Variants in PHF14 observed in about 807,000 individuals in gnomAD.
PHF14 encodes the protein PHD finger protein 14.
PHF14 carries 55 observed loss-of-function variants against 117.9 expected under a neutral mutation model. The ratio of observed to expected loss-of-function variants is 0.47; its 90% CI spans 0.38 to 0.58. The LOEUF is 0.58. Among genes scored for constraint, PHF14 ranks in the 20% least tolerant of loss-of-function variants. The pLI is 0.00. For missense variants in PHF14, 978 were observed against 1,122.2 expected (o/e 0.87, Z 1.84); for synonymous variants, 409 against 368.6 (o/e 1.11, Z -1.26).
At position 10,982,898 on chromosome 7, in the gene PHF14, T is replaced by C. The variant is rs1352561595; in HGVS notation, c.639T>C (p.Asp213=). Residue 213 remains aspartate (D), a synonymous_variant, in exon 3 of 18, where the codon GAT becomes GAC. Coordinates refer to ENST00000634607, the MANE Select transcript of PHF14 (RefSeq NM_001007157.2). The stretch of plus-strand genomic sequence containing the variant: ...ACTATGACAGTGAGGATGACAATGA[T>C]TGGCGACCTACTGTAGTAAAGAGAA... ...MDDYDSEDDN[D]WRPTVVKRKG... is the part of the protein sequence containing the mutation. The C allele has an allele frequency of 2.9e-5, 47 of 1,613,324 alleles. No homozygotes were observed. Among genetic ancestry groups the C allele is most frequent in the Admixed American group, 2.0e-4 (12 of 59,894 alleles).
chr7:11,036,585 A>G lies in PHF14; in HGVS notation c.1770A>G (p.Thr590=), dbSNP rs781184553. The part of the protein sequence containing the change: ...MRKAELMGIS[T]DIFPVDNSDT... ...AAGCAGAACTCATGGGGATCAGTAC[A>G]GATATCTTTCCAGTGGACAATTCAG... The change falls in exon 9 of 18, where the codon ACA becomes ACG. Residue 590 remains threonine, a synonymous_variant. Transcript: ENST00000634607. 1.2e-6 allele frequency: 2 copies of G among 1,613,926 alleles called. No individual in the cohort carries two copies. The highest frequency in any genetic ancestry group is 1.1e-5 in the South Asian group (1 of 91,078).
intron 5 of PHF14, among the ~76,000 whole-genome samples, chr7:11,016,411 T>A (rs1244036862): frequency 6.6e-6 from 1 of 152,070 alleles, no homozygotes; most frequent in African/African-American, 2.4e-5. Context: ...TGAGATTAAT[T>A]AGACTTTTTT....
At chr7:11,143,005 A>G (rs1448306867) in intron 17 of PHF14, among the ~76,000 whole-genome samples, 1 of 152,154 alleles carries the variant, frequency 6.6e-6, no homozygotes, top group East Asian at 1.9e-4. Context: ...ATAGAATAGG[A>G]AAAAGTTATC....
intron 17 of PHF14, among the ~76,000 whole-genome samples, chr7:11,124,254 T>C (rs1382750430): frequency 6.6e-6 from 1 of 152,142 alleles, no homozygotes; most frequent in Non-Finnish European, 1.5e-5. Flanking sequence ...TGGTGGTATG[T>C]CCTACTACAA....
chr7:11,031,472 G>A (rs1784119256), intron 7 of PHF14, among the ~76,000 whole-genome samples: 1 of 152,022 alleles, frequency 6.6e-6, no homozygotes, highest in African/African-American at 2.4e-5. Context: ...GGACTATAGG[G>A]CTGGGTGCAG....
chr7:11,039,220 C>T (rs1212685702), intron 11 of PHF14, among the ~76,000 whole-genome samples: 1 of 151,342 alleles, frequency 6.6e-6, no homozygotes, highest in Non-Finnish European at 1.5e-5. Context: ...TTTTTCTTTC[C>T]TGTCCTTATG....
chr7:11,105,576 A>C (rs1787231244), intron 16 of PHF14: 2 of 984,034 alleles, frequency 2.0e-6, no homozygotes, highest in Non-Finnish European at 2.4e-6. Flanking sequence ...AAGAGACTCA[A>C]CTTGGAGTTT....
chr7:11,144,543 C>T (rs969093018), intron 17 of PHF14, among the ~76,000 whole-genome samples: 3 of 149,390 alleles, frequency 2.0e-5, no homozygotes, highest in African/African-American at 4.9e-5. Flanking sequence ...ACCTGCACCC[C>T]ATGTTTATTG....
At chr7:11,004,102 G>C (rs567174918) in intron 4 of PHF14, among the ~76,000 whole-genome samples, 66 of 152,034 alleles carry the variant, frequency 4.3e-4, no homozygotes, top group South Asian at 1.0e-3. Flanking sequence ...AGAAAAATCA[G>C]CCAGGTGTGG....
chr7:10,979,249 A>G (rs1476189361), intron 2 of PHF14, among the ~76,000 whole-genome samples: 2 of 152,072 alleles, frequency 1.3e-5, no homozygotes, highest in Non-Finnish European at 2.9e-5. Flanking sequence ...TTAAATTCTA[A>G]TTTTAAAATT....
chr7:10,995,984 T>G (rs965401949), intron 4 of PHF14, among the ~76,000 whole-genome samples: 2 of 152,242 alleles, frequency 1.3e-5, no homozygotes, highest in Non-Finnish European at 2.9e-5. Context: ...ACAGTGCAGC[T>G]GCAGGCTGAA....
At chr7:11,153,939 C>CTGTGTGTGTGTGTGTG (rs975709011) in intron 17 of PHF14, among the ~76,000 whole-genome samples, 44 of 138,530 alleles carry the variant, frequency 3.2e-4, no homozygotes, top group African/African-American at 1.2e-3. Context: ...TGGTCCCTGT[C>CTGTGTGTGTGTGTGTG]TGTGTGTGCG....
In PHF14 at chr7:11,155,678, A is replaced by G. The variant is rs113046342; in HGVS notation, c.2773-13738A>G. 8.9e-3 allele frequency among the ~76,000 whole-genome samples: 1,350 copies of G among 152,270 alleles called. 26 individuals carry two copies. Among genetic ancestry groups the G allele is most frequent in the African/African-American group, 0.031 (1,293 of 41,562 alleles). ...TTCCATTGAATGTGTCATAATTGCA[A>G]TGATACAGTTACTTGAGTGATCAAT... On this transcript the variant is annotated intron_variant, in intron 17 of 17. Coordinates refer to ENST00000634607, the MANE Select transcript of PHF14 (RefSeq NM_001007157.2).
At chr7:11,138,875 A>C (rs1788322233) in intron 17 of PHF14, among the ~76,000 whole-genome samples, 1 of 152,216 alleles carries the variant, frequency 6.6e-6, no homozygotes. Context: ...GAACTCAAGT[A>C]ACCTATCTGA....
At chr7:11,167,382 G>T (rs1789231919) in intron 17 of PHF14, among the ~76,000 whole-genome samples, 1 of 152,144 alleles carries the variant, frequency 6.6e-6, no homozygotes, top group African/African-American at 2.4e-5. Context: ...CTAGAAGTGT[G>T]AGTACTAGCA....
intron 16 of PHF14, among the ~76,000 whole-genome samples, chr7:11,073,142 T>C (rs1785687503): frequency 6.6e-6 from 1 of 152,166 alleles, no homozygotes; most frequent in Admixed American, 6.5e-5. Flanking sequence ...AATTGTCCTT[T>C]ATTAACAGTC....
chr7:11,053,983 A>G (rs1258595660), intron 14 of PHF14, among the ~76,000 whole-genome samples: 2 of 151,702 alleles, frequency 1.3e-5, no homozygotes, highest in Non-Finnish European at 2.9e-5. Flanking sequence ...CAGTGTGATT[A>G]TTTTCTTACT....
chr7:11,140,608 C>G (rs1788372628), intron 17 of PHF14, among the ~76,000 whole-genome samples: 1 of 151,792 alleles, frequency 6.6e-6, no homozygotes, highest in South Asian at 2.1e-4. Context: ...TCTTGTTTTT[C>G]TTATACAAAG....
chr7:11,032,304 T>G (rs949408929), intron 7 of PHF14, among the ~76,000 whole-genome samples: 1 of 152,200 alleles, frequency 6.6e-6, no homozygotes, highest in South Asian at 2.1e-4. Flanking sequence ...TATTATTGTA[T>G]TTAAATGTTT....
Sources: gnomAD v4.1 joint callset for allele counts (sites outside exome capture counted in the v4.1 genomes callset) on GRCh38, gnomAD v4.1.1 for gene constraint, MANE v1.5 for transcripts, NCBI Gene and HGNC (gene_info 2026-07-23, HGNC 2026-07-21) for gene names.